The following PFKP variants were observed in gnomAD, a reference collection of about 807,000 sequenced individuals.
The protein encoded by PFKP is phosphofructokinase, platelet, also known as ATP-dependent 6-phosphofructokinase, platelet type.
A neutral mutation model predicts 94.3 loss-of-function variants in PFKP; 101 were observed. That is an observed-to-expected ratio of 1.07 (90% CI 0.91 to 1.26). The LOEUF is 1.26. Among genes scored for constraint, PFKP ranks in the 50% most tolerant of loss-of-function variants. PFKP has a pLI of 0.00. For synonymous variants in PFKP, 573 were observed against 432.6 expected (o/e 1.32, Z -4.03); for missense variants, 1,145 against 1,103.3 (o/e 1.04, Z -0.53).
intron 8 of PFKP, among the ~76,000 whole-genome samples, chr10:3,108,267 A>G (rs546212271): frequency 7.4e-4 from 113 of 152,328 alleles, no homozygotes; most frequent in African/African-American, 2.4e-3. Context: ...CGGTGTGCCC[A>G]TGGGCTGGGG....
At chr10:3,105,000 G>C (rs4256893) in intron 5 of PFKP, 115 bp from the exon 6 acceptor site, 1 of 956,038 alleles carries the variant, frequency 1.0e-6, no homozygotes, top group South Asian at 1.4e-5. Context: ...TGGCTAACTC[G>C]GCTGTCAAAG....
rs148004876 is a variant in PFKP at position 3,109,552 on chromosome 10, G to C, written c.1089+72G>C. 8.3e-3 allele frequency: 12,848 copies of C among 1,553,928 alleles called. 68 individuals are homozygous for C. The highest frequency in any genetic ancestry group is 0.01 in the Middle Eastern group (61 of 5,812). ...CAGAAGCTGCTTGTCAGGCCAGCCT[G>C]GGCACCTTGGGTGTCTCGTCGGTGC... On this transcript the variant is annotated intron_variant, in intron 10 of 21. Coordinates refer to ENST00000381125, the MANE Select transcript of PFKP (RefSeq NM_002627.5).
At chr10:3,118,183 C>G (rs897031552) in intron 14 of PFKP, among the ~76,000 whole-genome samples, 1 of 152,246 alleles carries the variant, frequency 6.6e-6, no homozygotes, top group South Asian at 2.1e-4. Flanking sequence ...TCCATTTAAA[C>G]AATTATTGGG....
In PFKP at chr10:3,136,718, CA is replaced by C. The variant is rs557910728; in HGVS notation, c.*140del. 4.5e-4 allele frequency: 347 copies of C among 766,118 alleles called. 4 individuals carry two copies. The South Asian group carries it at 5.8e-3, about 13-fold the overall frequency. The allele number at this position is 766,118 out of a possible 1,614,324, so 47.5% of individuals were successfully genotyped here. A position where few individuals can be genotyped will look rare whatever the true frequency, so the allele number is the denominator to read the frequency against. Reference sequence around the variant, plus strand: ...GAGTGCCCATCTGCCCCACCTGCTCCAGTGCGTGCTGTCTGTGGAGTGTGTC... The same window carrying C: ...GAGTGCCCATCTGCCCCACCTGCTCCGTGCGTGCTGTCTGTGGAGTGTGTC... On this transcript the variant is annotated 3_prime_UTR_variant, in exon 22 of 22. Coordinates refer to ENST00000381125, the MANE Select transcript of PFKP (RefSeq NM_002627.5).
intron 2 of PFKP, 46 bp from the exon 3 acceptor site, chr10:3,099,229 A>T: frequency 7.3e-7 from 1 of 1,362,008 alleles, no homozygotes; most frequent in Non-Finnish European, 1.1e-6. Flanking sequence ...CTTCCCATTT[A>T]GTGAAGTTTA....
chr10:3,103,256 G>C (rs976241111), intron 4 of PFKP, among the ~76,000 whole-genome samples: 1 of 152,218 alleles, frequency 6.6e-6, no homozygotes, highest in African/African-American at 2.4e-5. Context: ...TCTTGTCTAA[G>C]TGCCAGGTGA....
intron 1 of PFKP, among the ~76,000 whole-genome samples, chr10:3,077,102 CAAGT>C (rs976762107): frequency 2.0e-5 from 3 of 152,006 alleles, no homozygotes; most frequent in Non-Finnish European, 2.9e-5. Flanking sequence ...TTGAAATTAA[CAAGT>C]GAGTGATCAG....
In PFKP at chr10:3,105,457, C is replaced by T; in HGVS notation, c.730C>T (p.Pro244Ser). 1.9e-6 allele frequency: 3 copies of T among 1,613,866 alleles called. No individual in the cohort carries two copies. Among genetic ancestry groups the T allele is most frequent in the Non-Finnish European group, 2.5e-6 (3 of 1,179,916 alleles). The stretch of plus-strand genomic sequence containing the variant: ...CTGGGTGTTCCTTCCAGAATCTCCA[C>T]CAGAGGAAGGCTGGGAGGAGCAGAT... ...ADWVFLPESP[P>S]EEGWEEQMCV... Residue 244 changes from proline (P) to serine (S), a missense_variant, in exon 7 of 22, where the codon CCA (proline) becomes TCA (serine). Pro to Ser is a moderately conservative substitution (Grantham distance 74). This residue lies in a region of PFKP where 1,119 missense variants were observed against 1,062.8 expected (regional missense o/e 1.05). Transcript: ENST00000381125.
intron 1 of PFKP, among the ~76,000 whole-genome samples, chr10:3,081,515 T>C (rs1375894041): frequency 1.3e-5 from 2 of 152,252 alleles, no homozygotes; most frequent in African/African-American, 4.8e-5. Context: ...CAGGTGTTCC[T>C]CATCCTTAAG....
Position 3,105,598 on chromosome 10 carries a change from A to G in PFKP, c.774+97A>G. ...GACGGCATTTTAAGCAAGTGAAAAA[A>G]TTTCTCTGTCTCCAGTTTGTCACAC... On this transcript the variant is annotated intron_variant, in intron 7 of 21. Transcript: ENST00000381125. 3 of 833,980 alleles carry G rather than the reference A, an allele frequency of 3.6e-6. No individual in the cohort carries two copies. In the South Asian group the frequency reaches 4.4e-5, roughly 12 times the overall value. The allele number at this position is 833,980 out of a possible 1,614,324, so 51.7% of individuals were successfully genotyped here. A position where few individuals can be genotyped will look rare whatever the true frequency, so the allele number is the denominator to read the frequency against.
intron 2 of PFKP, among the ~76,000 whole-genome samples, chr10:3,093,636 A>ATTTTT (rs1834231027): frequency 1.0e-5 from 1 of 98,782 alleles, no homozygotes; most frequent in African/African-American, 4.3e-5. Flanking sequence ...AACAAGCATT[A>ATTTTT]TCTTTTTTTT....
At position 3,119,923 on chromosome 10, in the gene PFKP, C is replaced by T. The variant is rs1459377088; in HGVS notation, c.1562C>T (p.Ala521Val). ...CTGGGACTCCTGGAGCTGTCAGCCGCCCGGGAGAAGCACGAGGAGTTCTGT... is the reference window on the plus strand; with the variant it reads ...CTGGGACTCCTGGAGCTGTCAGCCGTCCGGGAGAAGCACGAGGAGTTCTGT... ...AYLGLLELSAAREKHEEFCVP... is the reference protein window; with the variant it reads ...AYLGLLELSAVREKHEEFCVP... The change falls in exon 16 of 22, where the codon GCC becomes GTC. Residue 521 changes from alanine (A) to valine (V), a missense_variant. Around this residue, in one of 3 missense-constraint regions of PFKP, gnomAD observed 1,119 missense variants for 1,062.8 expected, o/e 1.05. Coordinates refer to ENST00000381125, the MANE Select transcript of PFKP (RefSeq NM_002627.5). The T allele has an allele frequency of 6.2e-7, 1 of 1,614,132 alleles. No individual in the cohort carries two copies. Among genetic ancestry groups the T allele is most frequent in the South Asian group, 1.1e-5 (1 of 91,076 alleles).
chr10:3,115,046 A>C (rs1031787243), intron 13 of PFKP, among the ~76,000 whole-genome samples: 2 of 152,204 alleles, frequency 1.3e-5, no homozygotes, highest in Non-Finnish European at 2.9e-5. Context: ...CACGGAGGGC[A>C]GATGGGGTTT....
At chr10:3,080,516 C>CAAAAAAA (rs869281524) in intron 1 of PFKP, among the ~76,000 whole-genome samples, 29 of 68,680 alleles carry the variant, frequency 4.2e-4, no homozygotes, top group African/African-American at 1.7e-3. Flanking sequence ...GACTCCGTCT[C>CAAAAAAA]AAAAAAAAAA....
intron 1 of PFKP, among the ~76,000 whole-genome samples, chr10:3,077,638 T>G (rs976550149): frequency 3.3e-5 from 5 of 152,066 alleles, no homozygotes; most frequent in Non-Finnish European, 2.9e-5. Context: ...CTGAGATTTG[T>G]AAACTGGGAA....
At chr10:3,128,108 C>CGGAT (rs1554778304) in intron 16 of PFKP, among the ~76,000 whole-genome samples, 2 of 152,054 alleles carry the variant, frequency 1.3e-5, no homozygotes, top group Non-Finnish European at 2.9e-5. Context: ...GACGGACGGA[C>CGGAT]GGCTGGCTGG....
At chr10:3,132,531 T>C in intron 18 of PFKP, 90 bp downstream of exon 18, 1 of 924,750 alleles carries the variant, frequency 1.1e-6, no homozygotes, top group South Asian at 1.3e-5. Flanking sequence ...GGATGAGTGG[T>C]CATTTCTTTG....
intron 16 of PFKP, among the ~76,000 whole-genome samples, chr10:3,121,135 G>A (rs193203011): frequency 1.6e-4 from 24 of 152,164 alleles, no homozygotes; most frequent in East Asian, 1.3e-3. Flanking sequence ...TTTTCTGAGC[G>A]TTTTAAACTT....
intron 21 of PFKP, 109 bp from the exon 22 acceptor site, chr10:3,136,341 A>C (rs1839335370): frequency 9.2e-7 from 1 of 1,090,870 alleles, no homozygotes; most frequent in East Asian, 2.4e-5. Context: ...GATTCAGCCG[A>C]CCCTACAAAC....
Sources: gnomAD v4.1 joint callset for allele counts (sites outside exome capture counted in the v4.1 genomes callset) on GRCh38, gnomAD v4.1.1 for gene constraint, gnomAD v4.1.1 regional missense constraint, MANE v1.5 for transcripts, NCBI Gene and HGNC (gene_info 2026-07-23, HGNC 2026-07-21) for gene names.